ASH1L: variants seen among roughly 807,000 people sequenced by gnomAD.
The protein encoded by ASH1L is histone-lysine N-methyltransferase ASH1L.
In ASH1L, 23 loss-of-function variants were observed where a neutral mutation model predicts 269.0. That is an observed-to-expected ratio of 0.09 (90% confidence interval 0.06 to 0.12). The LOEUF is 0.12. Among genes scored for constraint, ASH1L ranks in the 10% least tolerant of loss-of-function variants. The probability of loss-of-function intolerance (pLI) is 1.00; values close to 1 mark genes in which losing one functional copy is unlikely to be tolerated. For synonymous variants in ASH1L, 1,187 were observed against 1,253.5 expected (o/e 0.95, Z 1.12); for missense variants, 2,912 against 3,567.8 (o/e 0.82, Z 4.68).
chr1:155,426,263 T>C (rs1661146019), intron 5 of ASH1L, among the ~76,000 whole-genome samples: 1 of 151,562 alleles, frequency 6.6e-6, no homozygotes, highest in Non-Finnish European at 1.5e-5. Flanking sequence ...AGAGATGGGG[T>C]TTCACCATGT....
chr1:155,401,278 AC>A (rs1327367045), intron 6 of ASH1L, among the ~76,000 whole-genome samples: 2 of 151,898 alleles, frequency 1.3e-5, no homozygotes, highest in Non-Finnish European at 2.9e-5. Context: ...GGAGTTCAAA[AC>A]CAGCCTGGCC....
At chr1:155,436,578 C>A (rs573220455) in intron 5 of ASH1L, among the ~76,000 whole-genome samples, 11 of 144,726 alleles carry the variant, frequency 7.6e-5, no homozygotes, top group Non-Finnish European at 1.6e-4. Flanking sequence ...CTCATCACAA[C>A]CTCCGCCTCC....
intron 4 of ASH1L, among the ~76,000 whole-genome samples, chr1:155,441,709 G>A (rs181956163): frequency 7.6e-4 from 114 of 150,126 alleles, no homozygotes; most frequent in African/African-American, 2.7e-3. Context: ...CTCATGATCT[G>A]CCCGCCTCGG....
At chr1:155,455,815 A>C (rs1004264801) in intron 4 of ASH1L, among the ~76,000 whole-genome samples, 5 of 152,192 alleles carry the variant, frequency 3.3e-5, no homozygotes, top group African/African-American at 9.7e-5. Context: ...AAACAATATA[A>C]ATCTGTAGGA....
chr1:155,551,016 C>T (rs1180286954), intron 1 of ASH1L, among the ~76,000 whole-genome samples: 1 of 152,032 alleles, frequency 6.6e-6, no homozygotes, highest in Non-Finnish European at 1.5e-5. Flanking sequence ...GAGACATGGT[C>T]TCACTATGTT....
intron 2 of ASH1L, among the ~76,000 whole-genome samples, chr1:155,499,382 T>C (rs1667362536): frequency 6.6e-6 from 1 of 152,218 alleles, no homozygotes; most frequent in Non-Finnish European, 1.5e-5. Context: ...TGACTTCATC[T>C]ATAGTCTTTC....
At chr1:155,509,827 T>C (rs1411488365) in intron 2 of ASH1L, among the ~76,000 whole-genome samples, 1 of 152,036 alleles carries the variant, frequency 6.6e-6, no homozygotes, top group African/African-American at 2.4e-5. Context: ...TAATAAGTGT[T>C]GGGACAACCA....
intron 3 of ASH1L, among the ~76,000 whole-genome samples, chr1:155,465,289 C>CAAAA (rs1171228344): frequency 2.2e-4 from 14 of 62,552 alleles, no homozygotes; most frequent in African/African-American, 4.7e-4. Flanking sequence ...TACAAATTAG[C>CAAAA]AAAAAAAAAA....
rs1489236222 is a variant in ASH1L, at chr1:155,343,591, C to A, written c.8120+13G>T. The A allele has an allele frequency of 3.1e-6, 5 of 1,613,894 alleles. No homozygotes were observed. The highest frequency in any genetic ancestry group is 4.2e-6 in the Non-Finnish European group (5 of 1,179,872). On this transcript the variant is annotated intron_variant, in intron 23 of 27. Transcript: ENST00000392403. This position sits in a 1 kb window ranked among gnomAD's most constrained non-coding sequence, Gnocchi z 6.1. ...GCACGGCTGGAAGAAAAGGACAGGA[C>A]CTCAGCACGTACTTTTCATTCTTCC...
At chr1:155,456,827 T>A (rs1663896871) in intron 4 of ASH1L, among the ~76,000 whole-genome samples, 1 of 152,306 alleles carries the variant, frequency 6.6e-6, no homozygotes, top group Non-Finnish European at 1.5e-5. Context: ...TAGCATTTTT[T>A]AACATACACA....
At chr1:155,402,680 T>G (rs1021310439) in intron 6 of ASH1L, among the ~76,000 whole-genome samples, 2 of 152,096 alleles carry the variant, frequency 1.3e-5, no homozygotes, top group Non-Finnish European at 1.5e-5. Context: ...ACTGAGTAAC[T>G]AGGACTACAG....
intron 25 of ASH1L, among the ~76,000 whole-genome samples, chr1:155,340,129 TA>T (rs796513362): frequency 1.2e-3 from 177 of 145,554 alleles, no homozygotes; most frequent in African/African-American, 1.0e-3. Flanking sequence ...TCTGGAAAAT[TA>T]AAAAAAAAAA....
At position 155,408,391 on chromosome 1, in the gene ASH1L, G is replaced by A. The variant is rs369189530; in HGVS notation, c.6008+7353C>T. Among the ~76,000 whole-genome samples the A allele has an allele frequency of 2.3e-3, 344 of 152,206 alleles. 4 individuals carry two copies. Among genetic ancestry groups the A allele is most frequent in the South Asian group, 0.02 (98 of 4,820 alleles). The stretch of plus-strand genomic sequence containing the variant: ...GGGCTAGAAGCATGGCATCATAGCA[G>A]TAACAAATACCCTAGTAGAAAAAGC... On this transcript the variant is annotated intron_variant, in intron 6 of 27. Coordinates refer to ENST00000392403, the MANE Select transcript of ASH1L (RefSeq NM_018489.3).
chr1:155,542,433 C>T (rs1401462671), intron 1 of ASH1L, among the ~76,000 whole-genome samples: 1 of 151,776 alleles, frequency 6.6e-6, no homozygotes, highest in Non-Finnish European at 1.5e-5. Flanking sequence ...CCTGTAGTCC[C>T]AGCTACTTGG....
At position 155,341,986 on chromosome 1, in the gene ASH1L, A is replaced by G. The variant is rs1356169111; in HGVS notation, c.8410T>C (p.Tyr2804His). The G allele has an allele frequency of 6.2e-7, 1 of 1,614,128 alleles. No individual in the cohort carries two copies. Among genetic ancestry groups the G allele is most frequent in the East Asian group, 2.2e-5 (1 of 44,886 alleles). ...RNRYPVCTKP[Y>H]AFDHFPKKLT... ...TTCTTGGGGAAGTGATCAAAAGCAT[A>G]GGGTTTGGTGCAGACAGGATAGCGG... Residue 2804 changes from tyrosine to histidine, a missense_variant, in exon 25 of 28, where the codon TAT (tyrosine) becomes CAT (histidine). Around this residue, in one of 13 missense-constraint regions of ASH1L, gnomAD observed 179 missense variants for 293.8 expected, o/e 0.61. Coordinates refer to ENST00000392403, the MANE Select transcript of ASH1L (RefSeq NM_018489.3).
Position 155,434,191 on chromosome 1 carries a change from C to A in ASH1L, c.5828+4136G>T. 18 of 1,594,884 alleles carry A rather than the reference C, an allele frequency of 1.1e-5. 1 individual carries two copies. The South Asian group carries it at 2.0e-4, about 18-fold the overall frequency. ...ACTTCACTGCACTGTACTCCTCGGT[C>A]CCTTTCCCTGAGGGGGAAGCCTTTC... On this transcript the variant is annotated intron_variant, in intron 5 of 27. Transcript: ENST00000392403.
intron 4 of ASH1L, 150 bp from the exon 5 acceptor site, chr1:155,439,218 G>T: frequency 1.1e-6 from 1 of 880,632 alleles, no homozygotes; most frequent in Non-Finnish European, 1.6e-6. Flanking sequence ...TCCTGAAAAA[G>T]GTTATTACAA....
intron 25 of ASH1L, among the ~76,000 whole-genome samples, chr1:155,340,388 G>C (rs745436406): frequency 1.3e-5 from 2 of 151,864 alleles, no homozygotes; most frequent in Non-Finnish European, 2.9e-5. Context: ...TCACCATGTC[G>C]ACCAGGCTGG....
chr1:155,522,683 T>C (rs1443945508), intron 1 of ASH1L, among the ~76,000 whole-genome samples: 1 of 151,054 alleles, frequency 6.6e-6, no homozygotes, highest in Non-Finnish European at 1.5e-5. Flanking sequence ...GGGAGATTAG[T>C]GAATTTTTTT....
Sources: allele counts gnomAD v4.1 joint callset (sites outside exome capture counted in the v4.1 genomes callset), GRCh38; gene constraint gnomAD v4.1.1; regional missense constraint gnomAD v4.1.1; non-coding constraint Gnocchi (gnomAD v3.1); transcripts MANE v1.5; gene names NCBI Gene and HGNC (gene_info 2026-07-23, HGNC 2026-07-21).